Variants in CDH8 observed in about 807,000 individuals in gnomAD.
CDH8 encodes the protein cadherin 8, also known as cadherin-8.
A neutral mutation model predicts 68.1 loss-of-function variants in CDH8; 17 were observed. That is an observed-to-expected ratio of 0.25 (90% CI 0.17 to 0.37). The LOEUF (loss-of-function observed/expected upper bound fraction) is 0.37, where lower values mean the gene tolerates loss of function less well. Among genes scored for constraint, CDH8 ranks in the 10% least tolerant of loss-of-function variants. CDH8 has a pLI of 1.00. For synonymous variants in CDH8, 372 were observed against 365.1 expected, an observed-to-expected ratio of 1.02 and a Z score of -0.21; for missense variants, 763 against 999.3, an observed-to-expected ratio of 0.76 and a Z score of 3.19.
intron 8 of CDH8, among the ~76,000 whole-genome samples, chr16:61,759,044 T>C (rs1443136967): frequency 6.6e-6 from 1 of 152,154 alleles, no homozygotes; most frequent in Non-Finnish European, 1.5e-5. Flanking sequence ...GTATGTCTCA[T>C]AGACCCTCTA....
At chr16:61,780,131 G>C (rs1164235171) in intron 8 of CDH8, among the ~76,000 whole-genome samples, 2 of 151,996 alleles carry the variant, frequency 1.3e-5, no homozygotes, top group East Asian at 3.9e-4. Flanking sequence ...AGCATCGAAG[G>C]GCTTTTTTCA....
intron 8 of CDH8, 108 bp from the exon 9 acceptor site, chr16:61,727,323 G>A (rs781000085): frequency 9.6e-6 from 11 of 1,148,098 alleles, no homozygotes; most frequent in Non-Finnish European, 1.4e-5. Context: ...CCTTAATTAG[G>A]ATGTTTTCAA....
intron 10 of CDH8, among the ~76,000 whole-genome samples, chr16:61,702,101 G>A (rs912573564): frequency 2.0e-5 from 3 of 152,146 alleles, no homozygotes; most frequent in South Asian, 2.1e-4. Context: ...GGCCAGGCGC[G>A]GTGGCTCACT....
intron 2 of CDH8, among the ~76,000 whole-genome samples, chr16:62,008,825 A>G (rs1212919958): frequency 6.6e-6 from 1 of 152,116 alleles, no homozygotes; most frequent in Admixed American, 6.6e-5. Context: ...ACATCTAATG[A>G]TTTCTGAAAA....
chr16:61,849,882 A>G (rs1307901464), intron 4 of CDH8, among the ~76,000 whole-genome samples: 1 of 152,144 alleles, frequency 6.6e-6, no homozygotes, highest in Non-Finnish European at 1.5e-5. Context: ...AAATACAAAC[A>G]AAAATAACAA....
intron 2 of CDH8, among the ~76,000 whole-genome samples, chr16:61,902,532 T>G (rs901529144): frequency 2.0e-5 from 3 of 151,562 alleles, no homozygotes; most frequent in Non-Finnish European, 4.4e-5. Context: ...ACTCAGTTAC[T>G]TAACTGCCAA....
rs1010976848 is a variant in CDH8, at chr16:61,847,582, T to C, written c.667+9537A>G. On this transcript the variant is annotated intron_variant, in intron 4 of 11. Coordinates refer to ENST00000577390, the MANE Select transcript of CDH8 (RefSeq NM_001796.5). ...TATATATATATATGTAATTAATATA[T>C]AAAATTAATTATGGGAGGTGGGTGG... Among the ~76,000 whole-genome samples, 3 of 147,020 alleles carry C rather than the reference T, an allele frequency of 2.0e-5. No individual in the cohort carries two copies. The Admixed American group carries it at 2.1e-4, about 10-fold the overall frequency.
At chr16:61,898,533 A>G (rs929971361) in intron 3 of CDH8, among the ~76,000 whole-genome samples, 1 of 152,164 alleles carries the variant, frequency 6.6e-6, no homozygotes, top group Non-Finnish European at 1.5e-5. Context: ...AAGTAGCTGA[A>G]CACCTATAAA....
chr16:61,680,794 C>G (rs757396804), intron 10 of CDH8, among the ~76,000 whole-genome samples: 3 of 151,786 alleles, frequency 2.0e-5, no homozygotes, highest in Non-Finnish European at 2.9e-5. Context: ...TGCTTATTAT[C>G]CTTTGTAGAT....
chr16:61,914,535 C>G (rs1454232202), intron 2 of CDH8, among the ~76,000 whole-genome samples: 2 of 151,790 alleles, frequency 1.3e-5, no homozygotes, highest in African/African-American at 4.8e-5. Context: ...TAAAACCAAT[C>G]TAATCACATG....
chr16:61,753,824 CTTAT>C (rs1960237132), intron 8 of CDH8, among the ~76,000 whole-genome samples: 1 of 151,986 alleles, frequency 6.6e-6, no homozygotes, highest in Non-Finnish European at 1.5e-5. Context: ...TAAGCTCTTA[CTTAT>C]TTGAGTGGAG....
intron 3 of CDH8, among the ~76,000 whole-genome samples, chr16:61,871,125 G>A (rs1270016854): frequency 6.6e-6 from 1 of 151,208 alleles, no homozygotes; most frequent in East Asian, 1.9e-4. Flanking sequence ...AGTCCAGCCA[G>A]GAAAACACAC....
intron 8 of CDH8, among the ~76,000 whole-genome samples, chr16:61,753,314 A>T (rs1018527001): frequency 6.7e-6 from 1 of 150,352 alleles, no homozygotes. Context: ...ATCTCGGCTC[A>T]CTGCAACCTC....
chr16:61,764,855 G>A (rs577117397), intron 8 of CDH8, among the ~76,000 whole-genome samples: 7 of 152,096 alleles, frequency 4.6e-5, no homozygotes, highest in African/African-American at 1.7e-4. Flanking sequence ...ATCGTTCAGA[G>A]CATTATTGCA....
At chr16:61,953,160 C>T in intron 2 of CDH8, among the ~76,000 whole-genome samples, 1 of 152,136 alleles carries the variant, frequency 6.6e-6, no homozygotes, top group Non-Finnish European at 1.5e-5. Flanking sequence ...GAAAGTAACC[C>T]ATAACCAGAC....
At chr16:61,670,591 C>T (rs1038515802) in intron 10 of CDH8, among the ~76,000 whole-genome samples, 1 of 151,942 alleles carries the variant, frequency 6.6e-6, no homozygotes. Context: ...CAAAACACCA[C>T]GTTGTACCCC....
At chr16:61,939,655 T>C (rs577169224) in intron 2 of CDH8, among the ~76,000 whole-genome samples, 2 of 152,302 alleles carry the variant, frequency 1.3e-5, no homozygotes, top group African/African-American at 4.8e-5. Context: ...TGTAATTGAC[T>C]ATAATACCAA....
At chr16:61,938,401 T>C (rs1409141597) in intron 2 of CDH8, among the ~76,000 whole-genome samples, 1 of 152,140 alleles carries the variant, frequency 6.6e-6, no homozygotes, top group Non-Finnish European at 1.5e-5. Context: ...AGCCCCACCA[T>C]CCTCACTCCT....
chr16:61,953,774 C>T (rs1024676574), intron 2 of CDH8, among the ~76,000 whole-genome samples: 8 of 150,626 alleles, frequency 5.3e-5, no homozygotes, highest in Admixed American at 1.3e-4. Flanking sequence ...GGGGCTGAGG[C>T]GGGAGAATCG....
Sources: gnomAD v4.1 joint callset for allele counts (sites outside exome capture counted in the v4.1 genomes callset) on GRCh38, gnomAD v4.1.1 for gene constraint, MANE v1.5 for transcripts, NCBI Gene and HGNC (gene_info 2026-07-23, HGNC 2026-07-21) for gene names.